Variants in TMEM268 observed in about 807,000 individuals in gnomAD.
The protein encoded by TMEM268 is transmembrane protein 268.
Under a neutral mutation model 39.1 loss-of-function variants are expected in TMEM268, and 24 were observed. That is an observed-to-expected ratio of 0.61 (90% CI 0.44 to 0.86). The LOEUF (loss-of-function observed/expected upper bound fraction) is 0.86, where lower values mean the gene tolerates loss of function less well. Ranked by LOEUF, TMEM268 falls within the 40% of genes least tolerant of loss-of-function variation. The pLI is 0.00. For synonymous variants in TMEM268, 176 were observed against 173.5 expected, an observed-to-expected ratio of 1.01 and a Z score of -0.12; for missense variants, 409 against 428.6, an observed-to-expected ratio of 0.95 and a Z score of 0.40.
the TMEM268 span, among the ~76,000 whole-genome samples, chr9:114,604,142 T>A: frequency 6.6e-6 from 1 of 152,168 alleles, no homozygotes; most frequent in African/African-American, 2.4e-5. Flanking sequence ...CGGTGTGTAC[T>A]GAGTATTGAA....
chr9:114,622,121 T>C lies in TMEM268; in HGVS notation c.107-2229T>C, dbSNP rs536499721. Reference sequence around the variant, plus strand: ...CTAGTTGGCAGGGCTTGGTGATACATTGGGGGAGCAGGGAGAGAGAGGGTT... The same window carrying C: ...CTAGTTGGCAGGGCTTGGTGATACACTGGGGGAGCAGGGAGAGAGAGGGTT... On this transcript the variant is annotated intron_variant, in intron 2 of 8. Transcript: ENST00000288502. 1.7e-5 allele frequency: 17 copies of C among 985,244 alleles called. No homozygotes were observed. In the South Asian group the frequency reaches 3.8e-4, roughly 22 times the overall value. 61.0% of individuals were successfully genotyped at this position (985,244 alleles called of 1,614,324 possible).
intron 2 of TMEM268, among the ~76,000 whole-genome samples, chr9:114,621,800 G>A (rs1443584940): frequency 2.0e-5 from 3 of 152,184 alleles, no homozygotes; most frequent in Admixed American, 1.3e-4. Flanking sequence ...GGAGGCGGGT[G>A]TGGTGAGACA....
chr9:114,624,504 C>T, intron 3 of TMEM268, 45 bp downstream of exon 3: 1 of 1,546,932 alleles, frequency 6.5e-7, no homozygotes, highest in African/African-American at 1.4e-5. Flanking sequence ...CTCTTTCATC[C>T]ATTCATCCCT....
At chr9:114,629,337 G>C (rs985439501) in intron 5 of TMEM268, among the ~76,000 whole-genome samples, 1 of 152,238 alleles carries the variant, frequency 6.6e-6, no homozygotes, top group Admixed American at 6.5e-5. Context: ...TTTCTTGCCT[G>C]TTTAGCTCCT....
At chr9:114,604,510 T>C in the TMEM268 span, among the ~76,000 whole-genome samples, 1 of 147,428 alleles carries the variant, frequency 6.8e-6, no homozygotes, top group Non-Finnish European at 1.5e-5. Flanking sequence ...AGCCTGGGAG[T>C]TGGAGGTTGC....
intron 1 of TMEM268, 132 bp from the exon 2 acceptor site, chr9:114,616,986 G>T: frequency 2.1e-6 from 1 of 478,098 alleles, no homozygotes. Context: ...TGTTCAAAAA[G>T]GCCAAAGTTG....
intron 2 of TMEM268, among the ~76,000 whole-genome samples, chr9:114,620,391 C>T (rs961183216): frequency 4.6e-5 from 7 of 151,920 alleles, no homozygotes; most frequent in African/African-American, 9.7e-5. Context: ...ACGACAGGCA[C>T]GTGCCACCAC....
intron 3 of TMEM268, among the ~76,000 whole-genome samples, chr9:114,624,784 A>G (rs1294199640): frequency 2.0e-5 from 3 of 152,254 alleles, no homozygotes. Context: ...ACAGTATCAT[A>G]TAAATGCCAC....
chr9:114,621,401 C>G (rs1239725846), intron 2 of TMEM268, among the ~76,000 whole-genome samples: 1 of 151,708 alleles, frequency 6.6e-6, no homozygotes, highest in Non-Finnish European at 1.5e-5. Flanking sequence ...GTTTATACAC[C>G]AAACGTGTAT....
intron 1 of TMEM268, among the ~76,000 whole-genome samples, chr9:114,614,746 A>T (rs6478091): frequency 0.97 from 148,161 of 152,282 alleles, 72,100 homozygotes; most frequent in East Asian, 1. Context: ...CCCAGGGGAC[A>T]TAAGCCTGAT....
intron 7 of TMEM268, among the ~76,000 whole-genome samples, chr9:114,638,225 G>A (rs1846726401): frequency 6.6e-6 from 1 of 152,046 alleles, no homozygotes; most frequent in Non-Finnish European, 1.5e-5. Flanking sequence ...TATTTTTAGT[G>A]GTGACTGGGT....
chr9:114,617,068 G>A (rs542842791), intron 1 of TMEM268, 50 bp from the exon 2 acceptor site: 14 of 610,736 alleles, frequency 2.3e-5, no homozygotes, highest in African/African-American at 5.8e-5. Flanking sequence ...TAGGAACCCC[G>A]GCTTGCCCAG....
At chr9:114,622,757 T>G (rs1845994649) in intron 2 of TMEM268, among the ~76,000 whole-genome samples, 1 of 152,198 alleles carries the variant, frequency 6.6e-6, no homozygotes, top group South Asian at 2.1e-4. Context: ...TAGTTTTCTA[T>G]TGCTGCTATA....
upstream of TMEM268, among the ~76,000 whole-genome samples, chr9:114,606,784 C>A (rs757001558): frequency 1.1e-4 from 17 of 150,774 alleles, no homozygotes; most frequent in Non-Finnish European, 2.1e-4. Flanking sequence ...CAGGCCATGG[C>A]AATGTTCCAA....
At chr9:114,609,038 G>A (rs565586013), upstream of TMEM268, among the ~76,000 whole-genome samples, 37 of 152,302 alleles carry the variant, frequency 2.4e-4, no homozygotes, top group Non-Finnish European at 4.1e-4. Flanking sequence ...GGCCAGGTGC[G>A]GTGGCTTACC....
intron 4 of TMEM268, 98 bp downstream of exon 4, chr9:114,627,104 G>A: frequency 2.4e-6 from 2 of 839,888 alleles, no homozygotes; most frequent in South Asian, 1.5e-5. Flanking sequence ...GTGGGTCAGG[G>A]GCTTGGGGGC....
intron 2 of TMEM268, 120 bp downstream of exon 2, chr9:114,617,421 C>A: frequency 1.3e-6 from 1 of 770,094 alleles, no homozygotes; most frequent in Non-Finnish European, 2.3e-6. Flanking sequence ...CATATTCTGT[C>A]ATTTTTACCA....
chr9:114,636,241 G>A (rs923339264), intron 6 of TMEM268, among the ~76,000 whole-genome samples: 11 of 152,268 alleles, frequency 7.2e-5, no homozygotes, highest in African/African-American at 2.4e-4. Context: ...AGGCACAGGT[G>A]GGGTACGGAC....
chr9:114,642,692 G>T (rs1030828811), intron 8 of TMEM268, among the ~76,000 whole-genome samples: 1 of 151,866 alleles, frequency 6.6e-6, no homozygotes, highest in African/African-American at 2.4e-5. Flanking sequence ...TGTTGCCCAG[G>T]CTGGTCTCAA....
Sources: gnomAD v4.1 joint callset for allele counts (sites outside exome capture counted in the v4.1 genomes callset) on GRCh38, gnomAD v4.1.1 for gene constraint, MANE v1.5 for transcripts, NCBI Gene and HGNC (gene_info 2026-07-23, HGNC 2026-07-21) for gene names.